The following CDH13 variants were observed in gnomAD, a reference collection of about 807,000 sequenced individuals.
CDH13 encodes the protein cadherin 13.
Under a neutral mutation model 63.8 loss-of-function variants are expected in CDH13, and 24 were observed. The observed-to-expected ratio is 0.38, with a 90% CI of 0.27 to 0.53. The LOEUF (loss-of-function observed/expected upper bound fraction) is 0.53. Ranked by LOEUF, CDH13 falls within the 20% of genes least tolerant of loss-of-function variation. The probability of loss-of-function intolerance (pLI) is 0.85; values close to 1 mark genes in which losing one functional copy is unlikely to be tolerated. For synonymous variants in CDH13, 503 were observed against 355.3 expected (o/e 1.42, Z -4.67); for missense variants, 1,049 against 903.1 (o/e 1.16, Z -2.07).
intron 4 of CDH13, among the ~76,000 whole-genome samples, chr16:83,165,561 G>A (rs2037630428): frequency 6.6e-6 from 1 of 152,064 alleles, no homozygotes; most frequent in African/African-American, 2.4e-5. Flanking sequence ...AGATGTAGTG[G>A]TCACAAATGA....
chr16:83,089,987 C>A (rs143762383), intron 3 of CDH13, among the ~76,000 whole-genome samples: 20 of 152,234 alleles, frequency 1.3e-4, no homozygotes, highest in African/African-American at 4.8e-4. Context: ...CTCTAAGATC[C>A]CTCACATTTG....
At chr16:83,226,654 A>C (rs969342030) in intron 5 of CDH13, among the ~76,000 whole-genome samples, 18 of 152,196 alleles carry the variant, frequency 1.2e-4, no homozygotes, top group Non-Finnish European at 2.5e-4. Flanking sequence ...TTCTTTCCCA[A>C]GGTGCGGAAG....
At chr16:83,304,964 A>G (rs1256817571) in intron 5 of CDH13, among the ~76,000 whole-genome samples, 1 of 152,184 alleles carries the variant, frequency 6.6e-6, no homozygotes, top group Non-Finnish European at 1.5e-5. Context: ...TTTACAAAGG[A>G]GCATTTTATT....
intron 10 of CDH13, among the ~76,000 whole-genome samples, chr16:83,746,187 A>C (rs1430543125): frequency 6.6e-6 from 1 of 152,224 alleles, no homozygotes; most frequent in Non-Finnish European, 1.5e-5. Flanking sequence ...AAATCAGTCT[A>C]ACTGAGTCAA....
chr16:83,441,376 C>T (rs1052617991), intron 6 of CDH13, among the ~76,000 whole-genome samples: 1 of 152,194 alleles, frequency 6.6e-6, no homozygotes, highest in African/African-American at 2.4e-5. Context: ...AGCTCTAGAA[C>T]ATCAGCTTAA....
intron 5 of CDH13, among the ~76,000 whole-genome samples, chr16:83,308,994 C>G (rs2089941135): frequency 6.6e-6 from 1 of 151,972 alleles, no homozygotes; most frequent in African/African-American, 2.4e-5. Flanking sequence ...CGAGGGAAAT[C>G]CCTCCCCTTG....
intron 1 of CDH13, among the ~76,000 whole-genome samples, chr16:82,635,744 C>A (rs190586800): frequency 6.6e-6 from 1 of 152,210 alleles, no homozygotes; most frequent in African/African-American, 2.4e-5. Context: ...CTGTCCCCAC[C>A]CAAATCTCAT....
At chr16:83,653,460 C>G (rs1460206578) in intron 8 of CDH13, among the ~76,000 whole-genome samples, 1 of 150,624 alleles carries the variant, frequency 6.6e-6, no homozygotes, top group Non-Finnish European at 1.5e-5. Context: ...TTTTTTTCCT[C>G]CATAGCTCAG....
At chr16:83,685,559 A>T (rs1904299182) in intron 10 of CDH13, among the ~76,000 whole-genome samples, 1 of 152,216 alleles carries the variant, frequency 6.6e-6, no homozygotes, top group Non-Finnish European at 1.5e-5. Context: ...TGGTGAAAGA[A>T]ATAGTCTCTG....
chr16:83,577,967 T>C (rs956347235), intron 7 of CDH13, among the ~76,000 whole-genome samples: 1 of 152,138 alleles, frequency 6.6e-6, no homozygotes, highest in African/African-American at 2.4e-5. Context: ...AAAATGAGAG[T>C]TCACTATTCA....
chr16:83,571,940 C>A (rs565006849), intron 7 of CDH13, among the ~76,000 whole-genome samples: 84 of 152,194 alleles, frequency 5.5e-4, no homozygotes, highest in Non-Finnish European at 1.0e-3. Context: ...CTGTCATTTC[C>A]TCTGGACTAA....
Position 82,896,276 on chromosome 16 carries a change from A to ATTTTTTTTTTTTTTTTTTTTTTTTTTTT in CDH13, c.157+37809_157+37836dup, listed in dbSNP as rs59677448. The stretch of plus-strand genomic sequence containing the variant: ...GAGTCTTCTGAGAACTAGGATTAGG[A>ATTTTTTTTTTTTTTTTTTTTTTTTTTTT]TTTTTTTTTTTTTTTTTTTTTTTTT... On this transcript the variant is annotated intron_variant, in intron 2 of 13. Coordinates refer to ENST00000567109, the MANE Select transcript of CDH13 (RefSeq NM_001257.5). Among the ~76,000 whole-genome samples the ATTTTTTTTTTTTTTTTTTTTTTTTTTTT allele has an allele frequency of 1.3e-4, 11 of 87,868 alleles. 1 individual carries two copies. Among genetic ancestry groups the ATTTTTTTTTTTTTTTTTTTTTTTTTTTT allele is most frequent in the East Asian group, 1.4e-3 (2 of 1,430 alleles). The allele number at this position is 87,868 out of a possible 152,430, so 57.6% of individuals were successfully genotyped here.
At chr16:83,543,460 G>A (rs935832632) in intron 7 of CDH13, among the ~76,000 whole-genome samples, 1 of 152,172 alleles carries the variant, frequency 6.6e-6, no homozygotes. Context: ...ATGATGATTT[G>A]TTGCTTGCCT....
intron 6 of CDH13, among the ~76,000 whole-genome samples, chr16:83,363,814 A>G (rs1267054876): frequency 6.6e-6 from 1 of 152,132 alleles, no homozygotes; most frequent in South Asian, 2.1e-4. Flanking sequence ...CCTCCTCCAT[A>G]GAGGAGTTAT....
intron 5 of CDH13, among the ~76,000 whole-genome samples, chr16:83,303,661 G>C (rs2089802987): frequency 6.6e-6 from 1 of 152,168 alleles, no homozygotes; most frequent in South Asian, 2.1e-4. Flanking sequence ...TCAACGAACA[G>C]CCTTATCCTG....
intron 5 of CDH13, among the ~76,000 whole-genome samples, chr16:83,301,498 G>T (rs1164513208): frequency 6.6e-6 from 1 of 152,154 alleles, no homozygotes; most frequent in Non-Finnish European, 1.5e-5. Flanking sequence ...TGCCACATGT[G>T]TCAGGGCTGT....
intron 2 of CDH13, chr16:82,953,237 C>T (rs1905551257): frequency 6.6e-6 from 1 of 152,062 alleles, no homozygotes; most frequent in Admixed American, 6.6e-5. Flanking sequence ...TACTAAATAT[C>T]CATTTATCCT....
At chr16:82,899,886 C>T (rs909864037) in intron 2 of CDH13, among the ~76,000 whole-genome samples, 4 of 152,298 alleles carry the variant, frequency 2.6e-5, no homozygotes, top group Admixed American at 6.5e-5. Flanking sequence ...TTCCTGGCCC[C>T]TGGCATTCAG....
intron 10 of CDH13, among the ~76,000 whole-genome samples, chr16:83,682,070 A>G (rs1915452383): frequency 6.6e-6 from 1 of 152,176 alleles, no homozygotes. Context: ...CTGATGTGAT[A>G]CCTCTGTTCT....
Sources: gnomAD v4.1 joint callset for allele counts (sites outside exome capture counted in the v4.1 genomes callset) on GRCh38, gnomAD v4.1.1 for gene constraint, MANE v1.5 for transcripts, NCBI Gene and HGNC (gene_info 2026-07-23, HGNC 2026-07-21) for gene names.